The following GSE1 variants were observed in gnomAD, a reference collection of about 807,000 sequenced individuals.
GSE1 encodes Gse1 coiled-coil protein.
Under a neutral mutation model 112.6 loss-of-function variants are expected in GSE1, and 32 were observed. The observed-to-expected ratio is 0.28, with a 90% CI of 0.21 to 0.38. GSE1 has a LOEUF of 0.38. Among genes scored for constraint, GSE1 ranks in the 10% least tolerant of loss-of-function variants. GSE1 has a pLI of 1.00. For synonymous variants in GSE1, 1,115 were observed against 735.6 expected, an observed-to-expected ratio of 1.52 and a Z score of -8.35; for missense variants, 2,348 against 1,699.2, an observed-to-expected ratio of 1.38 and a Z score of -6.71.
intron 1 of GSE1, among the ~76,000 whole-genome samples, chr16:85,343,714 C>T (rs892524711): frequency 1.3e-5 from 2 of 152,134 alleles, no homozygotes; most frequent in Non-Finnish European, 2.9e-5. Context: ...TGCACCACTG[C>T]ACTCCAGCCT....
intron 2 of GSE1, among the ~76,000 whole-genome samples, chr16:85,497,521 G>A (rs11862220): frequency 0.029 from 4,489 of 152,226 alleles, 197 homozygotes; most frequent in African/African-American, 0.1. Context: ...GAGGCACCCC[G>A]CTCTTATTTT....
chr16:85,250,701 T>C (rs981610124), intron 1 of GSE1, among the ~76,000 whole-genome samples: 1 of 152,184 alleles, frequency 6.6e-6, no homozygotes, highest in Admixed American at 6.5e-5. Context: ...AAGCCACTGA[T>C]TTAAAGTGTA....
chr16:85,246,506 C>CG (rs1905843865), intron 1 of GSE1, among the ~76,000 whole-genome samples: 1 of 95,500 alleles, frequency 1.0e-5, no homozygotes, highest in Non-Finnish European at 2.7e-5. Context: ...ACACACCCCC[C>CG]CCCCCCCGAC....
rs1308738440 is a variant in GSE1, at chr16:85,661,511, C to A, written c.2006C>A (p.Pro669His). The A allele has an allele frequency of 1.1e-5, 17 of 1,611,910 alleles. No individual in the cohort carries two copies. The highest frequency in any genetic ancestry group is 1.4e-5 in the Non-Finnish European group (17 of 1,179,642). Reference sequence around the variant, plus strand: ...AGCCTGGAGCACCAGCCCTTCCTGCCCGGGCCCGGGCCCTTCCTGGCTGAG... The same window carrying A: ...AGCCTGGAGCACCAGCCCTTCCTGCACGGGCCCGGGCCCTTCCTGGCTGAG... ...GGSLEHQPFL[P>H]GPGPFLAELE... The change falls in exon 9 of 16, where the codon CCC (proline) becomes CAC (histidine). Residue 669 changes from proline to histidine, a missense_variant. Transcript: ENST00000253458.
At chr16:85,597,329 G>A (rs992347411) in intron 1 of GSE1, among the ~76,000 whole-genome samples, 7 of 131,472 alleles carry the variant, frequency 5.3e-5, no homozygotes, top group South Asian at 4.6e-4. Context: ...AGCTGAGATC[G>A]TCCCACTGCA....
intron 1 of GSE1, among the ~76,000 whole-genome samples, chr16:85,305,968 G>A (rs1004446979): frequency 2.0e-5 from 3 of 152,118 alleles, no homozygotes; most frequent in Non-Finnish European, 2.9e-5. Context: ...GTGCGTGCCT[G>A]TAATGCTAGC....
At chr16:85,197,843 C>G (rs1175806228) in intron 1 of GSE1, among the ~76,000 whole-genome samples, 1 of 152,174 alleles carries the variant, frequency 6.6e-6, no homozygotes, top group Admixed American at 6.5e-5. Context: ...AGGGTTTGTC[C>G]GGGTAGCACC....
At chr16:85,482,055 C>G (rs929363908) in intron 2 of GSE1, among the ~76,000 whole-genome samples, 1 of 152,240 alleles carries the variant, frequency 6.6e-6, no homozygotes, top group Admixed American at 6.5e-5. Flanking sequence ...ATTTCATGTC[C>G]CCACCCATGA....
intron 1 of GSE1, among the ~76,000 whole-genome samples, chr16:85,245,853 C>G (rs2143967981): frequency 6.6e-6 from 1 of 152,068 alleles, no homozygotes; most frequent in South Asian, 2.1e-4. Flanking sequence ...CTGGTCCTCA[C>G]TGGGAGTTCT....
chr16:85,476,068 C>T (rs992898343), intron 2 of GSE1, among the ~76,000 whole-genome samples: 8 of 152,138 alleles, frequency 5.3e-5, no homozygotes, highest in South Asian at 2.1e-4. Flanking sequence ...GGAGCCGGGA[C>T]GACAGTTGCG....
intron 1 of GSE1, among the ~76,000 whole-genome samples, chr16:85,591,221 G>A (rs796883402): frequency 1.3e-5 from 2 of 152,342 alleles, no homozygotes; most frequent in African/African-American, 4.8e-5. Flanking sequence ...TGGGGTTGAG[G>A]TGTAGGGGCC....
intron 1 of GSE1, among the ~76,000 whole-genome samples, chr16:85,587,174 C>A (rs540784706): frequency 4.7e-5 from 7 of 150,170 alleles, no homozygotes; most frequent in South Asian, 2.1e-4. Context: ...CGAAACCCCC[C>A]CCCCCCCAGA....
intron 1 of GSE1, among the ~76,000 whole-genome samples, chr16:85,172,735 G>A (rs2143145531): frequency 6.6e-6 from 1 of 152,352 alleles, no homozygotes; most frequent in African/African-American, 2.4e-5. Context: ...TGTGGGCAGA[G>A]GGACGTGTGG....
At chr16:85,266,820 G>C (rs902307871) in intron 1 of GSE1, among the ~76,000 whole-genome samples, 19 of 152,132 alleles carry the variant, frequency 1.2e-4, no homozygotes, top group Non-Finnish European at 2.5e-4. Context: ...TGTGTGTTGA[G>C]GCCTGAGAGG....
chr16:85,639,895 C>A (rs572880714), intron 2 of GSE1, among the ~76,000 whole-genome samples: 46 of 151,550 alleles, frequency 3.0e-4, no homozygotes, highest in Non-Finnish European at 5.8e-4. Flanking sequence ...GGCGGAGGTA[C>A]GGGGAGCCTT....
intron 1 of GSE1, among the ~76,000 whole-genome samples, chr16:85,294,645 C>G (rs1235926327): frequency 1.6e-5 from 2 of 124,706 alleles, no homozygotes; most frequent in African/African-American, 6.4e-5. Flanking sequence ...CTCTCTCTCT[C>G]TCTCTCTCTC....
At position 85,314,511 on chromosome 16, in the gene GSE1, G is replaced by T. The variant is rs2045943152; in HGVS notation, c.2284-42952G>T. On this transcript the variant is annotated intron_variant, in intron 1 of 2. Coordinates refer to the GSE1 transcript ENST00000637419. ...AGGTGGCCAGGCTGGTCATCCCACTGTCCCCTACACGTGTGTGCACACATG... is the reference window on the plus strand; with the variant it reads ...AGGTGGCCAGGCTGGTCATCCCACTTTCCCCTACACGTGTGTGCACACATG... 2.0e-5 allele frequency among the ~76,000 whole-genome samples: 3 copies of T among 152,188 alleles called. No homozygotes were observed. In the South Asian group the frequency reaches 6.2e-4, roughly 32 times the overall value.
intron 2 of GSE1, among the ~76,000 whole-genome samples, chr16:85,444,107 C>T (rs940653034): frequency 7.3e-5 from 11 of 151,390 alleles, no homozygotes; most frequent in Non-Finnish European, 1.5e-4. Flanking sequence ...GCCTCAGCCT[C>T]CGGAGTAGAT....
chr16:85,191,027 G>A (rs941847255), intron 1 of GSE1, among the ~76,000 whole-genome samples: 3 of 152,324 alleles, frequency 2.0e-5, no homozygotes, highest in African/African-American at 4.8e-5. Context: ...GGGAGGTCAC[G>A]GCAGGTGGAT....
Sources: gnomAD v4.1 joint callset for allele counts (sites outside exome capture counted in the v4.1 genomes callset) on GRCh38, gnomAD v4.1.1 for gene constraint, MANE v1.5 for transcripts, NCBI Gene and HGNC (gene_info 2026-07-23, HGNC 2026-07-21) for gene names.